STYXL1: variants seen among roughly 807,000 people sequenced by gnomAD.
The protein encoded by STYXL1 is serine/threonine/tyrosine-interacting-like protein 1.
STYXL1 carries 32 observed loss-of-function variants against 36.4 expected under a neutral mutation model. That is an observed-to-expected ratio of 0.88 (90% CI 0.66 to 1.18). STYXL1 has a LOEUF of 1.18. Ranked by LOEUF, STYXL1 falls within the 50% of genes most tolerant of loss-of-function variation. STYXL1 has a pLI of 0.00. For synonymous variants in STYXL1, 133 were observed against 144.1 expected (o/e 0.92, Z 0.55); for missense variants, 354 against 394.1 (o/e 0.90, Z 0.86).
chr7:76,021,856 C>T lies in STYXL1; in HGVS notation c.302G>A (p.Gly101Asp). Residue 101 changes from glycine to aspartate, a missense_variant, in exon 4 of 9, where the codon GGC becomes GAC. By Grantham distance (94) the Gly-to-Asp change is moderately conservative. Coordinates refer to ENST00000359697, the MANE Select transcript of STYXL1 (RefSeq NM_001317785.2). ...DDDDSDSDGDGKDLVPQAAIE... is the reference protein window; with the variant it reads ...DDDDSDSDGDDKDLVPQAAIE... ...TGCTGTTGCATAAAACCCACCTTTG[C>T]CATCACCATCAGAGTCTGAATCATC... 1 of 1,608,348 alleles carries T rather than the reference C, an allele frequency of 6.2e-7. No homozygotes were observed. The highest frequency in any genetic ancestry group is 1.7e-5 in the Admixed American group (1 of 59,790).
At chr7:76,043,928 C>T (rs1796716400) in intron 1 of STYXL1, 1 of 152,192 alleles carries the variant, frequency 6.6e-6, no homozygotes, top group African/African-American at 2.4e-5. Flanking sequence ...GTCCTAGTAA[C>T]CAGACACAAT....
rs977553231 is a variant in STYXL1 at position 76,009,330 on chromosome 7, G to A, written c.454-3926C>T. Among the ~76,000 whole-genome samples the A allele has an allele frequency of 1.6e-4, 11 of 69,700 alleles. No individual in the cohort carries two copies. The East Asian group carries it at 4.0e-3, about 25-fold the overall frequency. The allele number at this position is 69,700 out of a possible 152,430, so 45.7% of individuals were successfully genotyped here. ...CCACATCACAGCCCCCGTCACCCAC[G>A]CCTAAAACCAGGGCATCATCCCAGC... On this transcript the variant is annotated intron_variant, in intron 5 of 8. Coordinates refer to ENST00000359697, the MANE Select transcript of STYXL1 (RefSeq NM_001317785.2).
At chr7:76,020,508 T>C (rs782322852) in intron 4 of STYXL1, among the ~76,000 whole-genome samples, 2 of 152,160 alleles carry the variant, frequency 1.3e-5, no homozygotes, top group Admixed American at 6.5e-5. Flanking sequence ...GACTTGGGGC[T>C]GCATGCTCTC....
At chr7:76,003,891 T>C (rs2058389) in intron 6 of STYXL1, 36 bp from the exon 7 acceptor site, 1,429,396 of 1,602,614 alleles carry the variant, frequency 0.89, 638,234 homozygotes, top group Non-Finnish European at 0.9. Flanking sequence ...TCAGGTGGAA[T>C]GCAGAATGCA....
intron 1 of STYXL1, among the ~76,000 whole-genome samples, chr7:76,046,567 A>C (rs1797111417): frequency 6.7e-6 from 1 of 150,330 alleles, no homozygotes; most frequent in South Asian, 2.1e-4. Flanking sequence ...GTCTGGTCTC[A>C]AACTCCTGAC....
intron 1 of STYXL1, among the ~76,000 whole-genome samples, chr7:76,040,730 G>A (rs945296853): frequency 8.6e-5 from 13 of 151,842 alleles, no homozygotes; most frequent in Admixed American, 3.3e-4. Flanking sequence ...CAGCTACTCC[G>A]GAGGCTGAGG....
At chr7:76,005,872 AGAGGAGGAGAGAGGAG>A (rs1791653658) in intron 5 of STYXL1, among the ~76,000 whole-genome samples, 1 of 23,182 alleles carries the variant, frequency 4.3e-5, no homozygotes, top group Admixed American at 4.8e-4. Flanking sequence ...GGAGGAAGAG[AGAGGAGGAGAGAGGAG>A]GAGGAGGAGG....
At chr7:76,046,274 C>CTTTG (rs1451331977) in intron 1 of STYXL1, among the ~76,000 whole-genome samples, 14 of 103,174 alleles carry the variant, frequency 1.4e-4, no homozygotes, top group African/African-American at 3.5e-4. Context: ...AGCTTATCTG[C>CTTTG]TGTGTGTGTG....
chr7:76,024,854 C>T (rs915366314), intron 3 of STYXL1, among the ~76,000 whole-genome samples: 54 of 143,788 alleles, frequency 3.8e-4, no homozygotes, highest in African/African-American at 1.4e-3. Flanking sequence ...GAGACTGAGG[C>T]AGAAGAATTG....
At chr7:76,003,915 T>C (rs1791309837) in intron 6 of STYXL1, 60 bp from the exon 7 acceptor site, 1 of 1,530,602 alleles carries the variant, frequency 6.5e-7, no homozygotes, top group Non-Finnish European at 9.0e-7. Context: ...ATCCCCATTG[T>C]GGGGTTTTCA....
At chr7:76,006,489 C>T (rs1274902695) in intron 5 of STYXL1, among the ~76,000 whole-genome samples, 4 of 152,036 alleles carry the variant, frequency 2.6e-5, no homozygotes, top group Non-Finnish European at 4.4e-5. Context: ...GTTTGCCGGG[C>T]GCAGTGGCTC....
At chr7:76,014,595 T>C (rs536545732) in intron 4 of STYXL1, among the ~76,000 whole-genome samples, 7 of 151,472 alleles carry the variant, frequency 4.6e-5, no homozygotes, top group Non-Finnish European at 1.0e-4. Context: ...TCAAGCAATC[T>C]ACCTGCCTCA....
intron 5 of STYXL1, among the ~76,000 whole-genome samples, chr7:76,010,094 G>A (rs901190935): frequency 5.9e-5 from 9 of 152,144 alleles, no homozygotes; most frequent in Non-Finnish European, 8.8e-5. Context: ...TATCAGCAGC[G>A]TAGGGTTTGC....
chr7:76,034,869 C>T (rs1236963793), intron 1 of STYXL1, among the ~76,000 whole-genome samples: 1 of 152,234 alleles, frequency 6.6e-6, no homozygotes, highest in Non-Finnish European at 1.5e-5. Flanking sequence ...GTGATTCATC[C>T]AGTTCCCTGA....
rs71301271 is a variant in STYXL1, at chr7:75,999,511, A to ATGTGTGTGTGTGTGTGTGTG, written c.810+1359_810+1378dup. On this transcript the variant is annotated intron_variant, in intron 8 of 8. Transcript: ENST00000359697. ...TTTTGTTGTGTGTGTGTGTGTGTGT[A>ATGTGTGTGTGTGTGTGTGTG]TGTGTGTGTGTGTGTGTGTGTGTGT... is the stretch of plus-strand genomic sequence containing the variant. 3.9e-3 allele frequency among the ~76,000 whole-genome samples: 375 copies of ATGTGTGTGTGTGTGTGTGTG among 95,902 alleles called. 1 individual carries two copies. Among genetic ancestry groups the ATGTGTGTGTGTGTGTGTGTG allele is most frequent in the Non-Finnish European group, 5.8e-3 (294 of 50,324 alleles). The allele number at this position is 95,902 out of a possible 152,430, so 62.9% of individuals were successfully genotyped here.
intron 8 of STYXL1, among the ~76,000 whole-genome samples, chr7:76,000,062 G>A (rs985400657): frequency 6.0e-5 from 9 of 151,030 alleles, no homozygotes; most frequent in Admixed American, 2.0e-4. Context: ...ATGGTGACAC[G>A]GACCTGTAAT....
At chr7:76,005,849 AGAGGAGGAGAGAG>A (rs2052081486) in intron 5 of STYXL1, among the ~76,000 whole-genome samples, 1 of 18,898 alleles carries the variant, frequency 5.3e-5, no homozygotes. Flanking sequence ...GGAGGAAGAG[AGAGGAGGAGAGAG>A]GAGGAAGAGA....
At chr7:76,022,742 T>C (rs1332372131) in intron 3 of STYXL1, among the ~76,000 whole-genome samples, 3 of 150,966 alleles carry the variant, frequency 2.0e-5, no homozygotes, top group Non-Finnish European at 4.4e-5. Context: ...AAGTCATGAG[T>C]GAGCAGAAGG....
intron 5 of STYXL1, among the ~76,000 whole-genome samples, chr7:76,011,364 G>A (rs782502535): frequency 1.3e-5 from 2 of 152,134 alleles, no homozygotes; most frequent in Non-Finnish European, 2.9e-5. Flanking sequence ...ATTTTGTTCT[G>A]TATTTCTAAA....
Sources: gnomAD v4.1 joint callset for allele counts (sites outside exome capture counted in the v4.1 genomes callset) on GRCh38, gnomAD v4.1.1 for gene constraint, MANE v1.5 for transcripts, NCBI Gene and HGNC (gene_info 2026-07-23, HGNC 2026-07-21) for gene names.